The following DLEU7 variants were observed in gnomAD, a reference collection of about 807,000 sequenced individuals.
DLEU7 encodes deleted in lymphocytic leukemia 7.
Under a neutral mutation model 16.0 loss-of-function variants are expected in DLEU7, and 17 were observed. The observed-to-expected ratio is 1.06, with a 90% CI of 0.73 to 1.59. The LOEUF is 1.59. Among genes scored for constraint, DLEU7 ranks in the 40% most tolerant of loss-of-function variants. The pLI is 0.00. For synonymous variants in DLEU7, 113 were observed against 139.8 expected, an observed-to-expected ratio of 0.81 and a Z score of 1.35; for missense variants, 308 against 314.9, an observed-to-expected ratio of 0.98 and a Z score of 0.17.
chr13:50,801,938 A>G (rs1876260608), intron 1 of DLEU7, among the ~76,000 whole-genome samples: 1 of 152,052 alleles, frequency 6.6e-6, no homozygotes, highest in Non-Finnish European at 1.5e-5. Flanking sequence ...CCTGCAGAGA[A>G]TCTGTGCCAG....
intron 1 of DLEU7, among the ~76,000 whole-genome samples, chr13:50,769,753 T>C (rs561102182): frequency 5.6e-4 from 85 of 152,352 alleles, no homozygotes; most frequent in Non-Finnish European, 1.1e-3. Flanking sequence ...AGGCTTAGGA[T>C]TGACTTAGCA....
intron 1 of DLEU7, among the ~76,000 whole-genome samples, chr13:50,775,898 C>T (rs1206451285): frequency 6.6e-6 from 1 of 152,182 alleles, no homozygotes; most frequent in Admixed American, 6.5e-5. Context: ...AATTTCATCA[C>T]ATTTATCTTT....
rs899318866 is a variant in DLEU7 at position 50,767,348 on chromosome 13, C to T, written c.460-54108G>A. 1.8e-4 allele frequency among the ~76,000 whole-genome samples: 26 copies of T among 146,048 alleles called. No homozygotes were observed. The South Asian group carries it at 2.8e-3, about 16-fold the overall frequency. Reference sequence around the variant, plus strand: ...GCGGGCGCCTGTAGTCCCAGCTACGCGGGAGGCTGAGGCAGGAGAATGGCG... The same window carrying T: ...GCGGGCGCCTGTAGTCCCAGCTACGTGGGAGGCTGAGGCAGGAGAATGGCG... On this transcript the variant is annotated intron_variant, in intron 1 of 1. Coordinates refer to the DLEU7 transcript ENST00000400393.
intron 1 of DLEU7, among the ~76,000 whole-genome samples, chr13:50,731,064 A>T (rs1369792013): frequency 6.6e-6 from 1 of 152,170 alleles, no homozygotes; most frequent in Non-Finnish European, 1.5e-5. Flanking sequence ...CCAAGTCTTC[A>T]TGTCTAACTT....
chr13:50,822,750 C>A, downstream of DLEU7: 1 of 985,368 alleles, frequency 1.0e-6, no homozygotes, highest in Admixed American at 6.1e-5. Flanking sequence ...GGTTTAGAAG[C>A]AACTCTTCTC....
At chr13:50,805,179 T>C (rs1351543089) in intron 1 of DLEU7, among the ~76,000 whole-genome samples, 1 of 152,182 alleles carries the variant, frequency 6.6e-6, no homozygotes, top group Admixed American at 6.5e-5. Flanking sequence ...AGCTTTTAGA[T>C]TGAGATTAGT....
chr13:50,803,938 A>T (rs188045937), intron 1 of DLEU7, among the ~76,000 whole-genome samples: 1 of 152,138 alleles, frequency 6.6e-6, no homozygotes, highest in African/African-American at 2.4e-5. Context: ...AATACTTTTA[A>T]AACTTTTCCA....
chr13:50,842,648 A>G (rs1447261483), intron 1 of DLEU7, among the ~76,000 whole-genome samples: 1 of 152,208 alleles, frequency 6.6e-6, no homozygotes, highest in Non-Finnish European at 1.5e-5. Flanking sequence ...CTTTATGAGA[A>G]TGTAGGTTGA....
chr13:50,719,733 A>G (rs543185946), intron 1 of DLEU7: 2 of 152,326 alleles, frequency 1.3e-5, no homozygotes, highest in Admixed American at 6.5e-5. Flanking sequence ...CTGTGATTCA[A>G]TGTCAGTAGG....
intron 1 of DLEU7, among the ~76,000 whole-genome samples, chr13:50,766,294 G>A (rs1402721987): frequency 6.6e-6 from 1 of 152,202 alleles, no homozygotes; most frequent in Non-Finnish European, 1.5e-5. Flanking sequence ...CACAGCTGCA[G>A]CGGCTGCACT....
chr13:50,785,756 G>C (rs570088590), intron 1 of DLEU7, among the ~76,000 whole-genome samples: 1 of 152,154 alleles, frequency 6.6e-6, no homozygotes, highest in East Asian at 1.9e-4. Context: ...ACTTCAAAAC[G>C]TCATGGGAAG....
chr13:50,818,812 T>C (rs1876808485), downstream of DLEU7, among the ~76,000 whole-genome samples: 1 of 152,166 alleles, frequency 6.6e-6, no homozygotes, highest in African/African-American at 2.4e-5. Flanking sequence ...CACTGTACTC[T>C]GTTCCCATGG....
At chr13:50,786,640 A>T (rs1257447128) in intron 1 of DLEU7, among the ~76,000 whole-genome samples, 2 of 152,210 alleles carry the variant, frequency 1.3e-5, no homozygotes, top group Non-Finnish European at 2.9e-5. Context: ...TTACCAACTG[A>T]ATCTCTCTGT....
intron 1 of DLEU7, among the ~76,000 whole-genome samples, chr13:50,742,414 A>G (rs564692330): frequency 2.0e-5 from 3 of 152,300 alleles, no homozygotes; most frequent in African/African-American, 7.2e-5. Context: ...AAATGGCGTA[A>G]TTGACCCAAG....
At chr13:50,735,315 A>G (rs1566233118) in intron 1 of DLEU7, among the ~76,000 whole-genome samples, 1 of 152,158 alleles carries the variant, frequency 6.6e-6, no homozygotes, top group African/African-American at 2.4e-5. Flanking sequence ...GTTGATATTT[A>G]TAGAGTACTT....
chr13:50,753,118 A>G (rs1363103088), intron 1 of DLEU7, among the ~76,000 whole-genome samples: 1 of 152,192 alleles, frequency 6.6e-6, no homozygotes, highest in African/African-American at 2.4e-5. Flanking sequence ...AGCTAGACAG[A>G]GTGCTGATTG....
rs527559348 is a variant in DLEU7, at chr13:50,832,999, C to T, written c.460-9479G>A. On this transcript the variant is annotated intron_variant, in intron 1 of 1. Coordinates refer to ENST00000504404, the MANE Select transcript of DLEU7 (RefSeq NM_001306135.2). ...AAGTCCTTCGATAAAATTCAACAGC[C>T]CTTCATGCTAAAAACTCTTAAGAAA... 1.4e-4 allele frequency among the ~76,000 whole-genome samples: 21 copies of T among 152,266 alleles called. No homozygotes were observed. The South Asian group carries it at 3.5e-3, about 26-fold the overall frequency.
chr13:50,750,343 T>C (rs1593540757), intron 1 of DLEU7, among the ~76,000 whole-genome samples: 1 of 152,330 alleles, frequency 6.6e-6, no homozygotes, highest in South Asian at 2.1e-4. Flanking sequence ...TATAGCCTTA[T>C]AGTATAGTTT....
intron 1 of DLEU7, among the ~76,000 whole-genome samples, chr13:50,811,654 T>G (rs1351219084): frequency 6.6e-6 from 1 of 152,144 alleles, no homozygotes; most frequent in East Asian, 1.9e-4. Context: ...CCACATGGCC[T>G]GCGGATGCTA....
Sources: allele counts gnomAD v4.1 joint callset (sites outside exome capture counted in the v4.1 genomes callset), GRCh38; gene constraint gnomAD v4.1.1; transcripts MANE v1.5; gene names NCBI Gene and HGNC (gene_info 2026-07-23, HGNC 2026-07-21).